Variants in TRAM2 observed in about 807,000 individuals in gnomAD.
TRAM2 encodes translocation associated membrane protein 2, also known as translocating chain-associated membrane protein 2.
A neutral mutation model predicts 51.0 loss-of-function variants in TRAM2; 12 were observed. The observed-to-expected ratio is 0.24, with a 90% confidence interval of 0.15 to 0.38. The LOEUF (loss-of-function observed/expected upper bound fraction) is 0.38. TRAM2 is among the 10% of genes least tolerant of loss of function. The pLI, the probability that TRAM2 is intolerant of heterozygous loss-of-function variation, is 1.00. For synonymous variants in TRAM2, 175 were observed against 179.4 expected, an observed-to-expected ratio of 0.98 and a Z score of 0.20; for missense variants, 361 against 462.0, an observed-to-expected ratio of 0.78 and a Z score of 2.00.
intron 1 of TRAM2, among the ~76,000 whole-genome samples, chr6:52,552,298 C>G (rs115712069): frequency 7.2e-5 from 11 of 152,358 alleles, no homozygotes; most frequent in African/African-American, 2.6e-4. Context: ...CCTTTCACTA[C>G]CCCGAGGAGG....
In TRAM2 at chr6:52,498,007, C is replaced by T. The variant is rs1203252633; in HGVS notation, c.*5190G>A. On this transcript the variant is annotated 3_prime_UTR_variant, in exon 11 of 11. Coordinates refer to ENST00000182527, the MANE Select transcript of TRAM2 (RefSeq NM_012288.4). ...TTATTCCTGGACAATGACTTAAGCC[C>T]CATCGTGAGAATGGTTTTTTCCTCT... 6.6e-6 allele frequency: 1 copy of T among 152,140 alleles called. No individual in the cohort carries two copies. Among genetic ancestry groups the T allele is most frequent in the East Asian group, 1.9e-4 (1 of 5,190 alleles). 9.4% of individuals were successfully genotyped at this position (152,140 alleles called of 1,614,324 possible).
At chr6:52,563,260 T>C (rs181711263) in intron 1 of TRAM2, among the ~76,000 whole-genome samples, 1 of 152,354 alleles carries the variant, frequency 6.6e-6, no homozygotes, top group East Asian at 1.9e-4. Flanking sequence ...CCAGATATTC[T>C]GTTAACTGAA....
At chr6:52,519,485 GAAA>G (rs974140003) in intron 2 of TRAM2, among the ~76,000 whole-genome samples, 46 of 152,254 alleles carry the variant, frequency 3.0e-4, no homozygotes, top group African/African-American at 1.1e-3. Flanking sequence ...GCAAAAAACA[GAAA>G]AACAACAAGT....
chr6:52,511,790 G>A (rs948165914), intron 4 of TRAM2, among the ~76,000 whole-genome samples: 16 of 151,716 alleles, frequency 1.1e-4, no homozygotes, highest in African/African-American at 2.2e-4. Flanking sequence ...TCCTTTTATC[G>A]GATACATCTA....
At chr6:52,509,488 C>A (rs1286569882) in intron 5 of TRAM2, 40 bp downstream of exon 5, 1 of 1,604,768 alleles carries the variant, frequency 6.2e-7, no homozygotes, top group Non-Finnish European at 8.5e-7. Flanking sequence ...GCAGTGGGCC[C>A]GGTCGCTCCT....
chr6:52,513,600 TGGGATGGCAG>T (rs1766491228), intron 4 of TRAM2, among the ~76,000 whole-genome samples: 1 of 151,990 alleles, frequency 6.6e-6, no homozygotes, highest in African/African-American at 2.4e-5. Flanking sequence ...GAGTTGGCCA[TGGGATGGCAG>T]GGGATGGAGC....
intron 1 of TRAM2, among the ~76,000 whole-genome samples, chr6:52,555,158 G>C (rs1394698050): frequency 1.3e-5 from 2 of 152,286 alleles, no homozygotes; most frequent in African/African-American, 4.8e-5. Context: ...GATGGGAATG[G>C]TATCTGTAAG....
At chr6:52,552,474 A>C (rs1409598534) in intron 1 of TRAM2, among the ~76,000 whole-genome samples, 1 of 152,216 alleles carries the variant, frequency 6.6e-6, no homozygotes, top group African/African-American at 2.4e-5. Context: ...GTGAGGAGGC[A>C]AGAGACCTGT....
At chr6:52,528,463 G>A (rs3804493) in intron 2 of TRAM2, among the ~76,000 whole-genome samples, 33,034 of 151,802 alleles carry the variant, frequency 0.22, 3,957 homozygotes, top group East Asian at 0.52. Context: ...TATGATACAA[G>A]CAGGAGACAA....
chr6:52,559,247 G>A (rs1767457772), intron 1 of TRAM2, among the ~76,000 whole-genome samples: 1 of 152,198 alleles, frequency 6.6e-6, no homozygotes, highest in Non-Finnish European at 1.5e-5. Flanking sequence ...TCCACATCAG[G>A]AAAGATCAGT....
At chr6:52,573,379 G>A (rs1420034514) in intron 1 of TRAM2, among the ~76,000 whole-genome samples, 1 of 152,152 alleles carries the variant, frequency 6.6e-6, no homozygotes, top group Admixed American at 6.6e-5. Flanking sequence ...AAAGAGTTGA[G>A]TAGAAAACTC....
At position 52,501,102 on chromosome 6, in the gene TRAM2, T is replaced by C. The variant is rs1240559916; in HGVS notation, c.*2095A>G. ...AGTGGCTAAGGGATCCCATATCAGG[T>C]CTGCTGTGTTGAAACCAAACTGCCC... On this transcript the variant is annotated 3_prime_UTR_variant, in exon 11 of 11. Transcript: ENST00000182527. The C allele has an allele frequency of 1.3e-5, 2 of 152,258 alleles. No individual in the cohort carries two copies. The highest frequency in any genetic ancestry group is 4.8e-5 in the African/African-American group (2 of 41,464). 9.4% of individuals were successfully genotyped at this position (152,258 alleles called of 1,614,324 possible). A position where few individuals can be genotyped will look rare whatever the true frequency, so the allele number is the denominator to read the frequency against.
intron 1 of TRAM2, among the ~76,000 whole-genome samples, chr6:52,538,486 C>A (rs187340445): frequency 6.6e-6 from 1 of 152,126 alleles, no homozygotes; most frequent in Non-Finnish European, 1.5e-5. Context: ...GGGTCTTGGG[C>A]GGGTATGAGG....
chr6:52,535,962 G>C (rs961856691), intron 1 of TRAM2, 116 bp from the exon 2 acceptor site: 1 of 791,864 alleles, frequency 1.3e-6, no homozygotes, highest in African/African-American at 1.7e-5. Flanking sequence ...TGACTGAACG[G>C]TTCTGCCTAA....
chr6:52,546,308 C>T (rs1562485225), intron 1 of TRAM2, among the ~76,000 whole-genome samples: 1 of 152,194 alleles, frequency 6.6e-6, no homozygotes, highest in East Asian at 1.9e-4. Context: ...CCCTTTACAG[C>T]AGCAGATATA....
intron 10 of TRAM2, among the ~76,000 whole-genome samples, chr6:52,503,818 G>A (rs552276608): frequency 3.1e-4 from 47 of 152,262 alleles, no homozygotes; most frequent in African/African-American, 1.1e-3. Flanking sequence ...AAATACCTCC[G>A]TGCGCTTGCT....
In TRAM2 at chr6:52,501,498, C is replaced by T. The variant is rs1766221827; in HGVS notation, c.*1699G>A. ...AATGACACTACTATTCCTGCACCTA[C>T]CAAGAACTACTCCCCTTTGCCTCAA... On this transcript the variant is annotated 3_prime_UTR_variant, in exon 11 of 11. Transcript: ENST00000182527. 1 of 152,226 alleles carries T rather than the reference C, an allele frequency of 6.6e-6. No homozygotes were observed. The highest frequency in any genetic ancestry group is 2.4e-5 in the African/African-American group (1 of 41,458). The allele number at this position is 152,226 out of a possible 1,614,324, so 9.4% of individuals were successfully genotyped here.
intron 1 of TRAM2, among the ~76,000 whole-genome samples, chr6:52,575,421 G>A (rs1352166221): frequency 2.6e-5 from 4 of 152,172 alleles, no homozygotes; most frequent in African/African-American, 7.2e-5. Context: ...AGAGGAAGGA[G>A]AGAGGGACTG....
At chr6:52,531,604 C>T (rs1766893407) in intron 2 of TRAM2, among the ~76,000 whole-genome samples, 1 of 152,166 alleles carries the variant, frequency 6.6e-6, no homozygotes, top group African/African-American at 2.4e-5. Flanking sequence ...GGCCTATGTA[C>T]AGTTACTAGA....
Sources: allele counts gnomAD v4.1 joint callset (sites outside exome capture counted in the v4.1 genomes callset), GRCh38; gene constraint gnomAD v4.1.1; transcripts MANE v1.5; gene names NCBI Gene and HGNC (gene_info 2026-07-23, HGNC 2026-07-21).